TLR4: variants seen among roughly 807,000 people sequenced by gnomAD.
The protein encoded by TLR4 is toll-like receptor 4.
A neutral mutation model predicts 27.4 loss-of-function variants in TLR4; 17 were observed. The observed-to-expected ratio is 0.62, with a 90% CI of 0.42 to 0.93. TLR4 has a LOEUF of 0.93. Among genes scored for constraint, TLR4 ranks in the 40% least tolerant of loss-of-function variants. The pLI is 0.00. For synonymous variants in TLR4, 363 were observed against 365.7 expected (o/e 0.99, Z 0.08); for missense variants, 926 against 962.3 (o/e 0.96, Z 0.50).
chr9:117,715,588 G>A lies in TLR4; in HGVS notation c.*940G>A, dbSNP rs951515155. On this transcript the variant is annotated 3_prime_UTR_variant, in exon 3 of 3. Coordinates refer to ENST00000355622, the MANE Select transcript of TLR4 (RefSeq NM_138554.5). ...GCAGGAAGGAAGTGGGATGACCTCA[G>A]GAGGTCACCTTTTCTTGATTCCAGA... 2.0e-5 allele frequency: 3 copies of A among 152,334 alleles called. No homozygotes were observed. The highest frequency in any genetic ancestry group is 2.1e-4 in the South Asian group (1 of 4,822). The allele number at this position is 152,334 out of a possible 1,614,324, so 9.4% of individuals were successfully genotyped here.
rs1219842665 is a variant in TLR4, at chr9:117,717,588, A to G, written c.*2940A>G. 2 of 152,168 alleles carry G rather than the reference A, an allele frequency of 1.3e-5. No homozygotes were observed. The highest frequency in any genetic ancestry group is 2.4e-5 in the African/African-American group (1 of 41,442). 9.4% of individuals were successfully genotyped at this position (152,168 alleles called of 1,614,324 possible). Reference sequence around the variant, plus strand: ...ATAAGTGAGGAACTAACATACATACATGATTGTTTATCTACAGATGTATGC... The same window carrying G: ...ATAAGTGAGGAACTAACATACATACGTGATTGTTTATCTACAGATGTATGC... On this transcript the variant is annotated 3_prime_UTR_variant, in exon 3 of 3. Coordinates refer to ENST00000355622, the MANE Select transcript of TLR4 (RefSeq NM_138554.5).
rs776954110 is a variant in TLR4 at position 117,713,634 on chromosome 9, C to T, written c.1506C>T (p.Asp502=). Residue 502 remains aspartate (D), a synonymous_variant, in exon 3 of 3, where the codon GAC becomes GAT. Transcript: ENST00000355622. ...FTELRNLTFL[D]LSQCQLEQLS... ...AGCTGAGAAACTTGACCTTCCTGGACCTCTCTCAGTGTCAACTGGAGCAGT... is the reference window on the plus strand; with the variant it reads ...AGCTGAGAAACTTGACCTTCCTGGATCTCTCTCAGTGTCAACTGGAGCAGT... The T allele has an allele frequency of 8.1e-6, 13 of 1,614,102 alleles. No individual in the cohort carries two copies. The highest frequency in any genetic ancestry group is 4.0e-5 in the African/African-American group (3 of 75,028).
intron 2 of TLR4, chr9:117,709,082 A>G (rs1259248666): frequency 3.9e-6 from 1 of 256,080 alleles, no homozygotes; most frequent in African/African-American, 2.3e-5. Context: ...ATATATTGAT[A>G]TATAACACAC....
rs1829379719 is a variant in TLR4 at position 117,718,042 on chromosome 9, C to T, written c.*3394C>T. On this transcript the variant is annotated 3_prime_UTR_variant, in exon 3 of 3. Transcript: ENST00000355622. ...CTTAAATTTGTGTGATACCTTACAA[C>T]TTGAAACATATTCACAAAACTATAT... The T allele has an allele frequency of 6.6e-6, 1 of 152,150 alleles. No individual in the cohort carries two copies. The allele number at this position is 152,150 out of a possible 1,614,324, so 9.4% of individuals were successfully genotyped here.
chr9:117,709,314 G>T (rs1437924486), intron 2 of TLR4, among the ~76,000 whole-genome samples: 1 of 151,896 alleles, frequency 6.6e-6, no homozygotes, highest in East Asian at 1.9e-4. Context: ...CTCTGTGGTG[G>T]GTAGTCAAGA....
Position 117,712,687 on chromosome 9 carries a change from A to T in TLR4, c.559A>T (p.Ile187Phe). 1 of 1,614,116 alleles carries T rather than the reference A, an allele frequency of 6.2e-7. No homozygotes were observed. The highest frequency in any genetic ancestry group is 8.5e-7 in the Non-Finnish European group (1 of 1,180,008). The change falls in exon 3 of 3, where the codon ATT becomes TTT. Residue 187 changes from isoleucine to phenylalanine, a missense_variant. By Grantham distance (21) the Ile-to-Phe change is conservative. Transcript: ENST00000355622. ...GCACTTGGACCTTTCCAGCAACAAG[A>T]TTCAAAGTATTTATTGCACAGACTT... Reference protein sequence around the residue: ...LEHLDLSSNKIQSIYCTDLRV... With the variant: ...LEHLDLSSNKFQSIYCTDLRV...
At position 117,716,641 on chromosome 9, in the gene TLR4, G is replaced by A. The variant is rs1829352914; in HGVS notation, c.*1993G>A. ...CAAGATGAATTAGCTCTAAAGATCA[G>A]CTGTATAGCAGAGTTCGTATAATGA... On this transcript the variant is annotated 3_prime_UTR_variant, in exon 3 of 3. Transcript: ENST00000355622. 6.6e-6 allele frequency: 1 copy of A among 152,134 alleles called. No homozygotes were observed. Among genetic ancestry groups the A allele is most frequent in the Non-Finnish European group, 1.5e-5 (1 of 68,024 alleles). 9.4% of individuals were successfully genotyped at this position (152,134 alleles called of 1,614,324 possible).
In TLR4 at chr9:117,713,680, T is replaced by C; in HGVS notation, c.1552T>C (p.Ser518Pro). The change falls in exon 3 of 3, where the codon TCA (serine) becomes CCA (proline). Residue 518 changes from serine (S) to proline (P), a missense_variant. Coordinates refer to ENST00000355622, the MANE Select transcript of TLR4 (RefSeq NM_138554.5). ...LEQLSPTAFN[S>P]LSSLQVLNMS... ...GCAGTTGTCTCCAACAGCATTTAAC[T>C]CACTCTCCAGTCTTCAGGTACTAAA... is the stretch of plus-strand genomic sequence containing the variant. The C allele has an allele frequency of 6.2e-7, 1 of 1,614,058 alleles. No individual in the cohort carries two copies. The highest frequency in any genetic ancestry group is 8.5e-7 in the Non-Finnish European group (1 of 1,180,016).
In TLR4 at chr9:117,714,908, C is replaced by G; in HGVS notation, c.*260C>G. ...GAACCCATGACAAAGAAAGTCATTT[C>G]AACTCTTACCTCATCAAGTTGAATA... is the stretch of plus-strand genomic sequence containing the variant. On this transcript the variant is annotated 3_prime_UTR_variant, in exon 3 of 3. Transcript: ENST00000355622. The G allele has an allele frequency of 1.9e-6, 1 of 524,232 alleles. No individual in the cohort carries two copies. Among genetic ancestry groups the G allele is most frequent in the Non-Finnish European group, 3.4e-6 (1 of 290,668 alleles). The allele number at this position is 524,232 out of a possible 1,614,324, so 32.5% of individuals were successfully genotyped here. A position where few individuals can be genotyped will look rare whatever the true frequency, so the allele number is the denominator to read the frequency against.
At chr9:117,708,854 A>T in intron 2 of TLR4, 125 bp downstream of exon 2, 2 of 1,243,386 alleles carry the variant, frequency 1.6e-6, no homozygotes, top group South Asian at 2.5e-5. Context: ...CATACAACAG[A>T]TGTCTTATTA....
rs1829283829 is a variant in TLR4 at position 117,713,639 on chromosome 9, C to T, written c.1511C>T (p.Ser504Phe). 1 of 1,614,118 alleles carries T rather than the reference C, an allele frequency of 6.2e-7. No homozygotes were observed. Among genetic ancestry groups the T allele is most frequent in the Non-Finnish European group, 8.5e-7 (1 of 1,180,028 alleles). Residue 504 changes from serine (S) to phenylalanine (F), a missense_variant, in exon 3 of 3, where the codon TCT (serine) becomes TTT (phenylalanine). By Grantham distance (155) the Ser-to-Phe change is radical. Coordinates refer to ENST00000355622, the MANE Select transcript of TLR4 (RefSeq NM_138554.5). ...AGAAACTTGACCTTCCTGGACCTCT[C>T]TCAGTGTCAACTGGAGCAGTTGTCT... ...ELRNLTFLDL[S>F]QCQLEQLSPT...
chr9:117,710,955 C>T (rs1288439250), intron 2 of TLR4, among the ~76,000 whole-genome samples: 2 of 152,136 alleles, frequency 1.3e-5, no homozygotes, highest in East Asian at 3.9e-4. Flanking sequence ...AAGACCCTTT[C>T]CTTCTCACCT....
rs760754033 is a variant in TLR4, at chr9:117,713,019, C to T, written c.891C>T (p.Leu297=). The change falls in exon 3 of 3, where the codon CTC becomes CTT. Residue 297 remains leucine (L), a synonymous_variant. Transcript: ENST00000355622. ...EFRLAYLDYY[L]DDIIDLFNCL... ...GATTAGCATACTTAGACTACTACCT[C>T]GATGATATTATTGACTTATTTAATT... is the stretch of plus-strand genomic sequence containing the variant. 7 of 1,613,842 alleles carry T rather than the reference C, an allele frequency of 4.3e-6. No individual in the cohort carries two copies. The South Asian group carries it at 5.5e-5, about 13-fold the overall frequency.
chr9:117,714,481 C>G lies in TLR4; in HGVS notation c.2353C>G (p.Leu785Val). The G allele has an allele frequency of 6.2e-7, 1 of 1,613,828 alleles. No homozygotes were observed. The highest frequency in any genetic ancestry group is 8.5e-7 in the Non-Finnish European group (1 of 1,180,008). Reference protein sequence around the residue: ...EKTLLRQQVELYRLLSRNTYL... With the variant: ...EKTLLRQQVEVYRLLSRNTYL... ...GACCCTGCTCAGGCAGCAGGTGGAG[C>G]TGTACCGCCTTCTCAGCAGGAACAC... The change falls in exon 3 of 3, where the codon CTG (leucine) becomes GTG (valine). Residue 785 changes from leucine to valine, a missense_variant. By Grantham distance (32) the Leu-to-Val change is conservative. Coordinates refer to ENST00000355622, the MANE Select transcript of TLR4 (RefSeq NM_138554.5).
chr9:117,708,784 T>A, intron 2 of TLR4, 55 bp downstream of exon 2: 1 of 1,605,508 alleles, frequency 6.2e-7, no homozygotes, highest in African/African-American at 1.3e-5. Flanking sequence ...TGTCCTGTCA[T>A]TTCATTATTG....
At chr9:117,708,267 C>G (rs530138869) in intron 1 of TLR4, 2 of 1,172,866 alleles carry the variant, frequency 1.7e-6, no homozygotes, top group South Asian at 2.1e-5. Flanking sequence ...AGCCTCAGCC[C>G]TTCACCCCGA....
rs1829099457 is a variant in TLR4, at chr9:117,704,423, G to A, written c.-50G>A. The stretch of plus-strand genomic sequence containing the variant: ...CGGTCAGACGGTGATAGCGAGCCAC[G>A]CATTCACAGGGCCACTGCTGCTCAC... On this transcript the variant is annotated 5_prime_UTR_variant, in exon 1 of 3. Coordinates refer to ENST00000355622, the MANE Select transcript of TLR4 (RefSeq NM_138554.5). 1.9e-6 allele frequency: 3 copies of A among 1,550,018 alleles called. No individual in the cohort carries two copies. Among genetic ancestry groups the A allele is most frequent in the South Asian group, 2.2e-5 (2 of 89,872 alleles).
chr9:117,711,907 C>A (rs1385446481), intron 2 of TLR4, among the ~76,000 whole-genome samples: 1 of 152,154 alleles, frequency 6.6e-6, no homozygotes, highest in East Asian at 1.9e-4. Context: ...GTATCTGTGA[C>A]ACTTATGTGT....
intron 2 of TLR4, 78 bp downstream of exon 2, chr9:117,708,807 T>G: frequency 5.7e-6 from 9 of 1,580,506 alleles, no homozygotes; most frequent in Non-Finnish European, 7.8e-6. Flanking sequence ...CTGGAAAGCT[T>G]GGTTTGTGGA....
Sources: allele counts gnomAD v4.1 joint callset (sites outside exome capture counted in the v4.1 genomes callset), GRCh38; gene constraint gnomAD v4.1.1; transcripts MANE v1.5; gene names NCBI Gene and HGNC (gene_info 2026-07-23, HGNC 2026-07-21).